PDXDC1: variants seen among roughly 807,000 people sequenced by gnomAD.
PDXDC1 encodes the protein pyridoxal-dependent decarboxylase domain-containing protein 1.
In PDXDC1, 42 loss-of-function variants were observed where a neutral mutation model predicts 100.1. That is an observed-to-expected ratio of 0.42 (90% confidence interval 0.33 to 0.54). The LOEUF is 0.54. Ranked by LOEUF, PDXDC1 falls within the 20% of genes least tolerant of loss-of-function variation. PDXDC1 has a pLI of 0.10. For missense variants in PDXDC1, 636 were observed against 979.2 expected (o/e 0.65, Z 4.68); for synonymous variants, 260 against 371.7 (o/e 0.70, Z 3.46).
At chr16:15,041,574 A>AC, downstream of PDXDC1, 22 of 1,342,134 alleles carry the variant, frequency 1.6e-5, no homozygotes, top group Non-Finnish European at 2.4e-5. Context: ...TGGGGACAAA[A>AC]CGGTCCTGAG....
At chr16:15,042,947 C>T (rs1323027409), downstream of PDXDC1, among the ~76,000 whole-genome samples, 2 of 145,898 alleles carry the variant, frequency 1.4e-5, no homozygotes, top group South Asian at 2.1e-4. Context: ...GATGCCCATG[C>T]TGGAGTGCAA....
chr16:15,054,407 T>G (rs1311322322), intron 16 of PDXDC1, among the ~76,000 whole-genome samples: 1 of 152,148 alleles, frequency 6.6e-6, no homozygotes, highest in Non-Finnish European at 1.5e-5. Flanking sequence ...CCCATCTAAC[T>G]TTCTATCACG....
intron 1 of PDXDC1, chr16:14,976,714 A>G (rs1328722664): frequency 6.6e-6 from 1 of 152,426 alleles, no homozygotes; most frequent in African/African-American, 2.4e-5. Flanking sequence ...TGCTGCCGGT[A>G]CCTAGTGGGT....
rs1229377602 is a variant in PDXDC1, at chr16:15,029,137, C to T, written c.1293+171C>T. On this transcript the variant is annotated intron_variant, in intron 15 of 22. Transcript: ENST00000396410. ...TGTTCCCCATTGCGTTACCACCTCA[C>T]GAGCTGGGTCACCTCTGGCAAGTCC... is the stretch of plus-strand genomic sequence containing the variant. 96 of 747,654 alleles carry T rather than the reference C, an allele frequency of 1.3e-4. 1 individual carries two copies. In the East Asian group the frequency reaches 2.0e-3, roughly 15 times the overall value. The allele number at this position is 747,654 out of a possible 1,614,324, so 46.3% of individuals were successfully genotyped here. A position where few individuals can be genotyped will look rare whatever the true frequency, so the allele number is the denominator to read the frequency against.
chr16:15,031,792 TG>T lies in PDXDC1; in HGVS notation c.1458del (p.Pro487GlnfsTer34). The T allele has an allele frequency of 6.2e-7, 1 of 1,613,926 alleles. No homozygotes were observed. The highest frequency in any genetic ancestry group is 8.5e-7 in the Non-Finnish European group (1 of 1,179,888). ...CTCGTAGCCTGCATAGAAAGCAAAC[TG>T]CCAGTGCTGTGCTGTACGCTCCAGT... is the stretch of plus-strand genomic sequence containing the variant. Reference protein sequence around the residue: ...DQLVACIESKLPVLCCTLQLR... With the variant: ...DQLVACIESKXPVLCCTLQLR... On this transcript the variant is annotated frameshift_variant, in exon 17 of 23. Coordinates refer to ENST00000396410, the MANE Select transcript of PDXDC1 (RefSeq NM_015027.4). LOFTEE classifies it high-confidence loss of function.
chr16:14,986,467 T>TC (rs1368767202), intron 1 of PDXDC1, among the ~76,000 whole-genome samples: 1 of 152,284 alleles, frequency 6.6e-6, no homozygotes, highest in Non-Finnish European at 1.5e-5. Context: ...AGACTGCATC[T>TC]CGAAAAAAGT....
At chr16:15,132,668 C>G (rs57147596) in intron 16 of PDXDC1, 2 of 723,834 alleles carry the variant, frequency 2.8e-6, no homozygotes, top group Admixed American at 2.0e-5. Context: ...GGGGGCTGAA[C>G]CCAGTACCCT....
At chr16:15,141,850 C>T (rs1235689749), downstream of PDXDC1, among the ~76,000 whole-genome samples, 4 of 152,188 alleles carry the variant, frequency 2.6e-5, no homozygotes, top group Non-Finnish European at 1.5e-5. Context: ...AAGCACCATG[C>T]CCGAGGGGGA....
chr16:15,101,967 G>A (rs2046566222), intron 16 of PDXDC1, among the ~76,000 whole-genome samples: 1 of 152,102 alleles, frequency 6.6e-6, no homozygotes, highest in Non-Finnish European at 1.5e-5. Context: ...TCCTGCCTCA[G>A]CCTCCCGAGT....
chr16:15,000,433 T>C (rs1972895847), intron 3 of PDXDC1, among the ~76,000 whole-genome samples: 2 of 152,300 alleles, frequency 1.3e-5, no homozygotes, highest in Non-Finnish European at 1.5e-5. Flanking sequence ...CTCTGATCTC[T>C]ACAGTGTCCA....
chr16:15,044,534 G>C (rs915265943), intron 16 of PDXDC1: 5 of 688,444 alleles, frequency 7.3e-6, no homozygotes, highest in African/African-American at 1.8e-5. Context: ...GGTCATCTTC[G>C]TGCCACCGCA....
chr16:15,094,193 G>A (rs1215831699), intron 16 of PDXDC1: 4 of 1,599,808 alleles, frequency 2.5e-6, no homozygotes, highest in Admixed American at 1.7e-5. Flanking sequence ...CGAAGCGGCC[G>A]CATCTCCCGG....
chr16:14,975,937 C>A (rs1253781476), intron 1 of PDXDC1, among the ~76,000 whole-genome samples: 1 of 152,306 alleles, frequency 6.6e-6, no homozygotes, highest in South Asian at 2.1e-4. Flanking sequence ...AGCTGCTCCA[C>A]AACTTCCTGG....
chr16:15,095,171 G>T (rs1309190025), intron 16 of PDXDC1, among the ~76,000 whole-genome samples: 2 of 151,926 alleles, frequency 1.3e-5, no homozygotes, highest in Non-Finnish European at 2.9e-5. Flanking sequence ...ACAGGAGTCA[G>T]CCAGACCAAC....
intron 1 of PDXDC1, chr16:14,976,708 G>A (rs1280183968): frequency 6.6e-6 from 1 of 152,444 alleles, no homozygotes; most frequent in Non-Finnish European, 1.5e-5. Flanking sequence ...GGGAGGTGCT[G>A]CCGGTACCTA....
At chr16:14,979,905 G>A (rs563054982) in intron 1 of PDXDC1, among the ~76,000 whole-genome samples, 21 of 152,394 alleles carry the variant, frequency 1.4e-4, no homozygotes, top group Non-Finnish European at 1.0e-4. Flanking sequence ...ACCAGTTTCC[G>A]TGTATGGCTT....
chr16:15,143,113 C>T (rs146991839), downstream of PDXDC1, among the ~76,000 whole-genome samples: 4 of 152,258 alleles, frequency 2.6e-5, 1 homozygote, highest in Admixed American at 6.5e-5. Flanking sequence ...GACGGTGCCC[C>T]AGCCCCGGGA....
At chr16:15,140,114 A>G (rs1406051043), downstream of PDXDC1, among the ~76,000 whole-genome samples, 20 of 148,472 alleles carry the variant, frequency 1.3e-4, no homozygotes, top group African/African-American at 3.7e-4. Flanking sequence ...AAAAAAAAAA[A>G]AAAAGAAAAG....
chr16:15,074,666 C>T (rs141387535), intron 16 of PDXDC1: 11 of 1,367,912 alleles, frequency 8.0e-6, no homozygotes, highest in African/African-American at 1.5e-5. Context: ...GGAAAATGCC[C>T]AGCACAAAGC....
Sources: allele counts gnomAD v4.1 joint callset (sites outside exome capture counted in the v4.1 genomes callset), GRCh38; gene constraint gnomAD v4.1.1; transcripts MANE v1.5; gene names NCBI Gene and HGNC (gene_info 2026-07-23, HGNC 2026-07-21).